The following LYSET variants were observed in gnomAD, a reference collection of about 807,000 sequenced individuals.
LYSET encodes the protein lysosomal enzyme trafficking factor, also known as GNPTAB cleavage and activity factor.
At chr14:93,186,353 T>C in the LYSET span, 1 of 1,614,246 alleles carries the variant, frequency 6.2e-7, no homozygotes, top group Non-Finnish European at 8.5e-7. Context: ...CATTTTACTA[T>C]GTTTTTGAAA....
chr14:93,185,583 C>A, the LYSET span: 1 of 1,022,272 alleles, frequency 9.8e-7, no homozygotes, highest in Non-Finnish European at 1.5e-6. Context: ...AAGTGTTTCA[C>A]CTGTCAAAGT....
chr14:93,185,592 G>C, the LYSET span: 3 of 942,480 alleles, frequency 3.2e-6, no homozygotes, highest in Admixed American at 6.0e-5. Context: ...ACCTGTCAAA[G>C]TGAAATGTGC....
chr14:93,188,083 C>T, the LYSET span, among the ~76,000 whole-genome samples: 2 of 148,514 alleles, frequency 1.3e-5, no homozygotes, highest in African/African-American at 2.5e-5. Context: ...CTCAGACTCC[C>T]GAGTAGCTGG....
At chr14:93,185,416 C>G in the LYSET span, 1 of 1,612,774 alleles carries the variant, frequency 6.2e-7, no homozygotes, top group East Asian at 2.2e-5. Flanking sequence ...ATGCCAAAGC[C>G]ACCCGATTAT....
chr14:93,185,327 G>C, the LYSET span: 7 of 1,406,206 alleles, frequency 5.0e-6, no homozygotes, highest in East Asian at 1.6e-4. Flanking sequence ...ACTAGTAGCT[G>C]GTGCTCCAGG....
the LYSET span, chr14:93,185,346 G>A: frequency 1.3e-6 from 2 of 1,542,336 alleles, no homozygotes; most frequent in South Asian, 2.3e-5. Context: ...GGCTGGCGGC[G>A]CTCACCTTTC....
At chr14:93,185,547 G>A in the LYSET span, 40 of 1,348,614 alleles carry the variant, frequency 3.0e-5, no homozygotes, top group Non-Finnish European at 6.4e-6. Flanking sequence ...CCGCGTTCAC[G>A]TCTGAAGCAG....
At chr14:93,187,492 C>A in the LYSET span, among the ~76,000 whole-genome samples, 6 of 151,800 alleles carry the variant, frequency 4.0e-5, no homozygotes, top group African/African-American at 1.2e-4. Context: ...TGAGAACGTA[C>A]GCTCCAATGC....
At chr14:93,186,203 G>A in the LYSET span, 1 of 1,490,976 alleles carries the variant, frequency 6.7e-7, no homozygotes, top group Non-Finnish European at 9.1e-7. Context: ...TACATTTGGA[G>A]TAGTTGCCGT....
At chr14:93,185,340 G>T in the LYSET span, 1 of 1,506,144 alleles carries the variant, frequency 6.6e-7, no homozygotes, top group Non-Finnish European at 9.2e-7. Flanking sequence ...GCTCCAGGCT[G>T]GCGGCGCTCA....
chr14:93,185,841 A>C, the LYSET span, among the ~76,000 whole-genome samples: 1 of 150,094 alleles, frequency 6.7e-6, no homozygotes, highest in South Asian at 2.1e-4. Context: ...TTAAATCTTA[A>C]GTGTGTTAGT....
At chr14:93,185,443 CTT>C in the LYSET span, 3 of 1,613,604 alleles carry the variant, frequency 1.9e-6, no homozygotes, top group South Asian at 2.2e-5. Context: ...CTGAGTGACT[CTT>C]TAACGCTTGC....
the LYSET span, among the ~76,000 whole-genome samples, chr14:93,185,747 G>T: frequency 6.6e-6 from 1 of 151,756 alleles, no homozygotes; most frequent in Non-Finnish European, 1.5e-5. Flanking sequence ...GTTTTTTTGT[G>T]TGTGTTGTTT....
chr14:93,187,192 A>G, the LYSET span: 1 of 163,464 alleles, frequency 6.1e-6, no homozygotes, highest in African/African-American at 2.4e-5. Context: ...CATTGCTAAA[A>G]AATTATTGAG....
chr14:93,187,589 T>C, the LYSET span, among the ~76,000 whole-genome samples: 1 of 152,146 alleles, frequency 6.6e-6, no homozygotes, highest in Non-Finnish European at 1.5e-5. Flanking sequence ...ATGGAAACAA[T>C]GTGTTCAATG....
the LYSET span, chr14:93,186,706 C>T: frequency 1.7e-5 from 26 of 1,555,266 alleles, no homozygotes; most frequent in Admixed American, 4.8e-4. Flanking sequence ...GATTACAAAA[C>T]TGCCAGTCCT....
At chr14:93,186,082 G>C in the LYSET span, among the ~76,000 whole-genome samples, 1 of 151,834 alleles carries the variant, frequency 6.6e-6, no homozygotes, top group African/African-American at 2.4e-5. Context: ...TGTTAGCCAG[G>C]ATGGTCTCTA....
At chr14:93,185,174 G>T in the LYSET span, 9 of 182,756 alleles carry the variant, frequency 4.9e-5, no homozygotes, top group East Asian at 1.2e-3. Flanking sequence ...GCGCTGCAGC[G>T]CGGCAGGGGG....
the LYSET span, chr14:93,184,990 G>C: frequency 6.3e-6 from 1 of 159,050 alleles, no homozygotes; most frequent in Non-Finnish European, 1.5e-5. This position sits in a 1 kb window ranked among gnomAD's most constrained non-coding sequence, Gnocchi z 4.2. Flanking sequence ...GACTGCGGCG[G>C]CATCCGGGAC....
Sources: gnomAD v4.1 joint callset for allele counts (sites outside exome capture counted in the v4.1 genomes callset) on GRCh38, gnomAD v4.1.1 for gene constraint, Gnocchi (gnomAD v3.1) non-coding constraint, MANE v1.5 for transcripts, NCBI Gene and HGNC (gene_info 2026-07-23, HGNC 2026-07-21) for gene names.